CLPTM1: variants seen among roughly 807,000 people sequenced by gnomAD.
The protein encoded by CLPTM1 is CLPTM1 regulator of GABA type A receptor forward trafficking, also known as putative lipid scramblase CLPTM1.
A neutral mutation model predicts 77.3 loss-of-function variants in CLPTM1; 21 were observed. That is an observed-to-expected ratio of 0.27 (90% CI 0.19 to 0.39). CLPTM1 has a LOEUF of 0.39. Ranked by LOEUF, CLPTM1 falls within the 10% of genes least tolerant of loss-of-function variation. The pLI, the probability that CLPTM1 is intolerant of heterozygous loss-of-function variation, is 1.00. For missense variants in CLPTM1, 642 were observed against 921.2 expected (o/e 0.70, Z 3.92); for synonymous variants, 373 against 381.0 (o/e 0.98, Z 0.24).
chr19:44,990,661 A>G lies in CLPTM1; in HGVS notation c.1323+76A>G. ...GTAGTGTGGCCCAGCTGGACCCTGG[A>G]GCTGGCCCCCGGGGGATTCCCAGCA... On this transcript the variant is annotated intron_variant, in intron 10 of 13. Coordinates refer to ENST00000337392, the MANE Select transcript of CLPTM1 (RefSeq NM_001294.4). The surrounding 1 kb of genome is among the most constrained non-coding windows in gnomAD (Gnocchi z 4.8). 2.6e-6 allele frequency: 4 copies of G among 1,518,068 alleles called. No individual in the cohort carries two copies. The highest frequency in any genetic ancestry group is 1.8e-6 in the Non-Finnish European group (2 of 1,105,268). The allele number at this position is 1,518,068 out of a possible 1,614,324, so 94.0% of individuals were successfully genotyped here. A position where few individuals can be genotyped will look rare whatever the true frequency, so the allele number is the denominator to read the frequency against.
At chr19:44,970,250 G>A (rs537051345) in intron 2 of CLPTM1, among the ~76,000 whole-genome samples, 1 of 146,778 alleles carries the variant, frequency 6.8e-6, no homozygotes, top group South Asian at 2.2e-4. Context: ...TGCATACTTC[G>A]CCCTGCATAC....
intron 2 of CLPTM1, among the ~76,000 whole-genome samples, chr19:44,969,774 A>G (rs911864400): frequency 1.4e-5 from 2 of 141,620 alleles, no homozygotes; most frequent in Non-Finnish European, 3.0e-5. Flanking sequence ...TGCGACCTCC[A>G]CCTCCCAGGT....
At chr19:44,977,245 G>C (rs936328421) in intron 4 of CLPTM1, 98 bp from the exon 5 acceptor site, 6 of 869,600 alleles carry the variant, frequency 6.9e-6, no homozygotes, top group Middle Eastern at 4.4e-4. Flanking sequence ...AGAGAGTTGA[G>C]GGGGAGGAAA....
chr19:44,959,474 C>T (rs1009701873), intron 1 of CLPTM1, among the ~76,000 whole-genome samples: 1 of 152,098 alleles, frequency 6.6e-6, no homozygotes, highest in East Asian at 1.9e-4. Context: ...CCCGTCTCAG[C>T]CTCCTGAGTA....
intron 2 of CLPTM1, among the ~76,000 whole-genome samples, chr19:44,967,449 G>A (rs1970651546): frequency 6.6e-6 from 1 of 152,004 alleles, no homozygotes; most frequent in Non-Finnish European, 1.5e-5. Context: ...ACCTGAGGTC[G>A]GGAGTTCCAG....
intron 2 of CLPTM1, among the ~76,000 whole-genome samples, chr19:44,968,026 G>C (rs959652148): frequency 6.6e-6 from 1 of 152,054 alleles, no homozygotes; most frequent in Non-Finnish European, 1.5e-5. Flanking sequence ...GAGGTAGCCT[G>C]TTTTACACAC....
chr19:44,991,809 G>A lies in CLPTM1; in HGVS notation c.1556-424G>A, dbSNP rs2122342947. ...AGTCCCAGCTACCTGGGAGGCTGAGGTGGGAGGATCCCTTGAGTCCAGGAG... is the reference window on the plus strand; with the variant it reads ...AGTCCCAGCTACCTGGGAGGCTGAGATGGGAGGATCCCTTGAGTCCAGGAG... On this transcript the variant is annotated intron_variant, in intron 12 of 13. Coordinates refer to ENST00000337392, the MANE Select transcript of CLPTM1 (RefSeq NM_001294.4). The surrounding 1 kb of genome is among the most constrained non-coding windows in gnomAD (Gnocchi z 5.4). Among the ~76,000 whole-genome samples the A allele has an allele frequency of 6.6e-6, 1 of 152,306 alleles. No individual in the cohort carries two copies. The highest frequency in any genetic ancestry group is 1.5e-5 in the Non-Finnish European group (1 of 68,014).
chr19:44,969,282 A>T (rs1970681919), intron 2 of CLPTM1, among the ~76,000 whole-genome samples: 1 of 152,146 alleles, frequency 6.6e-6, no homozygotes, highest in Non-Finnish European at 1.5e-5. Flanking sequence ...CATTTCAACC[A>T]TTGAAGTTGA....
rs1438262466 is a variant in CLPTM1 at position 44,990,881 on chromosome 19, T to C, written c.1355T>C (p.Phe452Ser). 6.2e-7 allele frequency: 1 copy of C among 1,613,746 alleles called. No homozygotes were observed. The highest frequency in any genetic ancestry group is 8.5e-7 in the Non-Finnish European group (1 of 1,179,840). ...LDREHRVAGI[F>S]PRLSFKDKST... ...CGAGAGCACAGGGTGGCAGGAATCT[T>C]CCCCCGCCTATCCTTCAAGGACAAG... Residue 452 changes from phenylalanine (F) to serine (S), a missense_variant, in exon 11 of 14, where the codon TTC (phenylalanine) becomes TCC (serine). Phe to Ser is a radical substitution (Grantham distance 155). Coordinates refer to ENST00000337392, the MANE Select transcript of CLPTM1 (RefSeq NM_001294.4). The surrounding 1 kb of genome is among the most constrained non-coding windows in gnomAD (Gnocchi z 4.8).
At chr19:44,983,745 G>A (rs760762627) in intron 5 of CLPTM1, among the ~76,000 whole-genome samples, 3 of 151,566 alleles carry the variant, frequency 2.0e-5, no homozygotes, top group Non-Finnish European at 2.9e-5. Flanking sequence ...GGCAGATCAC[G>A]AGATCAGGAG....
At chr19:44,962,581 A>G (rs1970561281) in intron 2 of CLPTM1, among the ~76,000 whole-genome samples, 1 of 152,080 alleles carries the variant, frequency 6.6e-6, no homozygotes, top group Non-Finnish European at 1.5e-5. Flanking sequence ...TGGGGACACT[A>G]GTCATACTGG....
intron 2 of CLPTM1, among the ~76,000 whole-genome samples, chr19:44,966,848 T>TCC (rs1970638201): frequency 6.6e-6 from 1 of 151,498 alleles, no homozygotes; most frequent in African/African-American, 2.4e-5. Flanking sequence ...TCTCTCTCTC[T>TCC]CTTTTTTTTG....
intron 2 of CLPTM1, among the ~76,000 whole-genome samples, chr19:44,967,325 A>G (rs1309474720): frequency 6.6e-6 from 1 of 151,922 alleles, no homozygotes; most frequent in Non-Finnish European, 1.5e-5. Flanking sequence ...TCTCAAACAA[A>G]CAAAAACCTT....
chr19:44,984,936 G>A (rs1440891481), intron 5 of CLPTM1, among the ~76,000 whole-genome samples: 6 of 152,222 alleles, frequency 3.9e-5, no homozygotes, highest in Middle Eastern at 3.4e-3. Context: ...GGATCTGCCC[G>A]CCCCAGCCTC....
Position 44,990,519 on chromosome 19 carries a change from C to G in CLPTM1, c.1257C>G (p.Val419=), listed in dbSNP as rs780051742. 1 of 1,614,140 alleles carries G rather than the reference C, an allele frequency of 6.2e-7. No homozygotes were observed. Among genetic ancestry groups the G allele is most frequent in the South Asian group, 1.1e-5 (1 of 91,074 alleles). Residue 419 remains valine (V), a synonymous_variant, in exon 10 of 14, where the codon GTC becomes GTG. Coordinates refer to ENST00000337392, the MANE Select transcript of CLPTM1 (RefSeq NM_001294.4). This position sits in a 1 kb window ranked among gnomAD's most constrained non-coding sequence, Gnocchi z 4.8. ...TGGACAACGAGACCAACTTCGTGGT[C>G]CAGGTCAGCGTCTTCATTGGGGTCC... is the stretch of plus-strand genomic sequence containing the variant. ...YILDNETNFV[V]QVSVFIGVLI... is the part of the protein sequence containing the mutation.
chr19:44,988,333 C>T (rs1971016042), intron 9 of CLPTM1, among the ~76,000 whole-genome samples, 160 bp downstream of exon 9: 1 of 152,208 alleles, frequency 6.6e-6, no homozygotes, highest in Non-Finnish European at 1.5e-5. Context: ...GCAGTGGCCC[C>T]AAAACTCCCA....
intron 4 of CLPTM1, among the ~76,000 whole-genome samples, chr19:44,975,355 G>T (rs766222396): frequency 2.6e-5 from 4 of 152,218 alleles, no homozygotes; most frequent in African/African-American, 7.2e-5. Context: ...ACTGCCCAAC[G>T]TGGGGCTGGG....
chr19:44,992,980 C>A lies in CLPTM1; in HGVS notation c.*83C>A. On this transcript the variant is annotated 3_prime_UTR_variant, in exon 14 of 14. Coordinates refer to ENST00000337392, the MANE Select transcript of CLPTM1 (RefSeq NM_001294.4). The surrounding 1 kb of genome is among the most constrained non-coding windows in gnomAD (Gnocchi z 7.7). ...CCCCTCGCCTCCCCTCCCTGTCGCC[C>A]TTTCCCTGGACAGATCAGGCCGGGG... 1 of 1,500,488 alleles carries A rather than the reference C, an allele frequency of 6.7e-7. No homozygotes were observed. Among genetic ancestry groups the A allele is most frequent in the Non-Finnish European group, 9.0e-7 (1 of 1,106,134 alleles). 92.9% of individuals were successfully genotyped at this position (1,500,488 alleles called of 1,614,324 possible). A position where few individuals can be genotyped will look rare whatever the true frequency, so the allele number is the denominator to read the frequency against.
chr19:44,991,056 C>A lies in CLPTM1; in HGVS notation c.1419+111C>A. On this transcript the variant is annotated intron_variant, in intron 11 of 13. Coordinates refer to ENST00000337392, the MANE Select transcript of CLPTM1 (RefSeq NM_001294.4). The surrounding 1 kb of genome is among the most constrained non-coding windows in gnomAD (Gnocchi z 5.4). ...CGGACCCATGCTTTACAGCCTGTGC[C>A]ACATCCTCTGTGTCCCCCATCTGCC... 1 of 1,297,684 alleles carries A rather than the reference C, an allele frequency of 7.7e-7. No homozygotes were observed. Among genetic ancestry groups the A allele is most frequent in the Non-Finnish European group, 1.1e-6 (1 of 917,886 alleles). 80.4% of individuals were successfully genotyped at this position (1,297,684 alleles called of 1,614,324 possible). A position where few individuals can be genotyped will look rare whatever the true frequency, so the allele number is the denominator to read the frequency against.
Sources: allele counts gnomAD v4.1 joint callset (sites outside exome capture counted in the v4.1 genomes callset), GRCh38; gene constraint gnomAD v4.1.1; non-coding constraint Gnocchi (gnomAD v3.1); transcripts MANE v1.5; gene names NCBI Gene and HGNC (gene_info 2026-07-23, HGNC 2026-07-21).